Variants in TEKTIP1 observed in about 807,000 individuals in gnomAD.
TEKTIP1 encodes the protein tektin bundle interacting protein 1.
the TEKTIP1 span, chr19:3,541,601 A>C: frequency 4.1e-6 from 4 of 979,164 alleles, no homozygotes; most frequent in Non-Finnish European, 4.9e-6. Context: ...GATTACAGGC[A>C]TGAGCCACCG....
At chr19:3,543,308 C>G in the TEKTIP1 span, 1 of 1,549,236 alleles carries the variant, frequency 6.5e-7, no homozygotes, top group East Asian at 2.4e-5. Context: ...GAAGTACACG[C>G]CCATGGGACG....
chr19:3,543,057 C>G, the TEKTIP1 span: 14 of 1,600,316 alleles, frequency 8.7e-6, no homozygotes, highest in Non-Finnish European at 1.1e-5. Flanking sequence ...CCTCTCTCCT[C>G]AAGCACCCAC....
chr19:3,543,665 C>A, the TEKTIP1 span: 23 of 1,540,322 alleles, frequency 1.5e-5, no homozygotes, highest in Middle Eastern at 6.5e-4. Context: ...CAGGCCAATC[C>A]GGGGCAAGGA....
chr19:3,542,385 G>T, the TEKTIP1 span: 6 of 985,332 alleles, frequency 6.1e-6, no homozygotes, highest in African/African-American at 3.5e-5. Flanking sequence ...CTGCTAGACT[G>T]TCTTGGGGCC....
chr19:3,543,015 G>A, the TEKTIP1 span: 21 of 1,603,456 alleles, frequency 1.3e-5, no homozygotes, highest in Non-Finnish European at 1.5e-5. Flanking sequence ...TTGGGTGCTT[G>A]GGGTGCGATG....
At chr19:3,543,814 G>A in the TEKTIP1 span, 202 of 1,509,600 alleles carry the variant, frequency 1.3e-4, no homozygotes, top group Middle Eastern at 3.5e-4. Flanking sequence ...ATGGTGACCC[G>A]AGTCCCACCT....
At chr19:3,543,754 G>A in the TEKTIP1 span, 78 of 1,491,614 alleles carry the variant, frequency 5.2e-5, no homozygotes, top group Non-Finnish European at 5.9e-5. Context: ...GAAACTGCCC[G>A]GGGCGATCCA....
chr19:3,542,758 C>T, the TEKTIP1 span: 3 of 1,352,796 alleles, frequency 2.2e-6, no homozygotes, highest in Admixed American at 2.0e-5. Context: ...GCTGGGTTTA[C>T]AAGCGTGAGC....
At chr19:3,539,503 G>T in the TEKTIP1 span, 1 of 517,700 alleles carries the variant, frequency 1.9e-6, no homozygotes, top group Non-Finnish European at 3.5e-6. Context: ...TCCAAGGACT[G>T]CAAACGCACT....
chr19:3,543,629 C>T, the TEKTIP1 span: 28 of 1,544,276 alleles, frequency 1.8e-5, no homozygotes, highest in African/African-American at 4.1e-5. Context: ...CCCCAGCACC[C>T]GGTGGGGGAG....
At chr19:3,541,617 A>G in the TEKTIP1 span, 190,828 of 982,886 alleles carry the variant, frequency 0.19, 29,776 homozygotes, top group African/African-American at 0.77. Flanking sequence ...CACCGCACCC[A>G]GTGCAAGACC....
the TEKTIP1 span, among the ~76,000 whole-genome samples, chr19:3,540,638 C>T: frequency 2.8e-5 from 4 of 142,164 alleles, no homozygotes; most frequent in African/African-American, 1.0e-4. Context: ...CCAGCACTTT[C>T]GGAGGCCGAG....
At chr19:3,542,526 T>C in the TEKTIP1 span, 3 of 922,790 alleles carry the variant, frequency 3.3e-6, no homozygotes, top group East Asian at 1.2e-4. Context: ...CAGGCTGGAG[T>C]GCAAGGGCAC....
the TEKTIP1 span, chr19:3,543,797 G>C: frequency 6.7e-7 from 1 of 1,500,402 alleles, no homozygotes; most frequent in Non-Finnish European, 9.0e-7. Context: ...CGAGGAGGTG[G>C]GGGCACATGG....
chr19:3,539,198 G>A, the TEKTIP1 span: 1 of 1,550,474 alleles, frequency 6.4e-7, no homozygotes, highest in Non-Finnish European at 8.7e-7. Context: ...TCAGGCAAGA[G>A]GCTGCACGGC....
At chr19:3,542,930 A>T in the TEKTIP1 span, 1 of 1,460,864 alleles carries the variant, frequency 6.8e-7, no homozygotes, top group Non-Finnish European at 9.2e-7. Context: ...ATCCAGGAGT[A>T]GCCAGGGCCC....
At chr19:3,539,446 G>A in the TEKTIP1 span, 47 of 580,636 alleles carry the variant, frequency 8.1e-5, no homozygotes, top group African/African-American at 8.2e-4. Context: ...CACTGTGGGG[G>A]CTACAGACCT....
chr19:3,542,462 C>T, the TEKTIP1 span: 1 of 985,034 alleles, frequency 1.0e-6, no homozygotes, highest in Non-Finnish European at 1.2e-6. Context: ...AAGCATAAAA[C>T]ATCTTTGAGT....
chr19:3,542,234 C>G, the TEKTIP1 span: 2 of 985,358 alleles, frequency 2.0e-6, no homozygotes, highest in Non-Finnish European at 2.4e-6. Context: ...ATGTGGGGTC[C>G]CTCAAACAGG....
Sources: gnomAD v4.1 joint callset for allele counts (sites outside exome capture counted in the v4.1 genomes callset) on GRCh38, gnomAD v4.1.1 for gene constraint, MANE v1.5 for transcripts, NCBI Gene and HGNC (gene_info 2026-07-23, HGNC 2026-07-21) for gene names.